GALNTL6: variants seen among roughly 807,000 people sequenced by gnomAD.
The protein encoded by GALNTL6 is polypeptide N-acetylgalactosaminyltransferase like 6, also known as polypeptide N-acetylgalactosaminyltransferase-like 6.
In GALNTL6, 46 loss-of-function variants were observed where a neutral mutation model predicts 73.7. The observed-to-expected ratio is 0.62, with a 90% CI of 0.49 to 0.80. The LOEUF is 0.80. GALNTL6 is among the 30% of genes least tolerant of loss of function. The probability of loss-of-function intolerance (pLI) is 0.00; values close to 1 mark genes in which losing one functional copy is unlikely to be tolerated. For missense variants in GALNTL6, 604 were observed against 755.0 expected, an observed-to-expected ratio of 0.80 and a Z score of 2.34; for synonymous variants, 259 against 263.7, an observed-to-expected ratio of 0.98 and a Z score of 0.17.
At chr4:172,858,644 A>G (rs1744234595) in intron 7 of GALNTL6, among the ~76,000 whole-genome samples, 1 of 152,194 alleles carries the variant, frequency 6.6e-6, no homozygotes. Context: ...AGCCTGACCA[A>G]CGTGAAACCT....
intron 5 of GALNTL6, among the ~76,000 whole-genome samples, chr4:172,623,359 G>A (rs571311393): frequency 4.2e-4 from 64 of 152,068 alleles, no homozygotes; most frequent in African/African-American, 1.5e-3. Flanking sequence ...GTGATCATAT[G>A]TATATAATTT....
At chr4:172,288,096 T>A (rs541054866) in intron 3 of GALNTL6, among the ~76,000 whole-genome samples, 5 of 105,496 alleles carry the variant, frequency 4.7e-5, no homozygotes, top group Non-Finnish European at 1.1e-4. Context: ...TAGAATTGAT[T>A]TTTTTTTTTT....
intron 5 of GALNTL6, among the ~76,000 whole-genome samples, chr4:172,415,392 G>A (rs1730785274): frequency 6.6e-6 from 1 of 152,170 alleles, no homozygotes. Context: ...ACAGCCATGT[G>A]AGGGATTCTA....
intron 2 of GALNTL6, among the ~76,000 whole-genome samples, chr4:171,965,641 G>A (rs1739362454): frequency 1.8e-5 from 2 of 112,164 alleles, no homozygotes; most frequent in Non-Finnish European, 1.7e-5. Context: ...GGGCGACAGA[G>A]CGAGACTCCG....
At chr4:172,587,110 A>G (rs940666570) in intron 5 of GALNTL6, among the ~76,000 whole-genome samples, 1 of 148,848 alleles carries the variant, frequency 6.7e-6, no homozygotes, top group Admixed American at 6.9e-5. Context: ...CACATGTGAA[A>G]ATATTGGGGT....
intron 10 of GALNTL6, among the ~76,000 whole-genome samples, chr4:172,953,989 G>C (rs990553487): frequency 6.6e-6 from 1 of 152,052 alleles, no homozygotes; most frequent in Non-Finnish European, 1.5e-5. Flanking sequence ...TTGTTTGTTT[G>C]TTTTTTATGT....
chr4:171,959,126 G>C (rs959467357), intron 2 of GALNTL6, among the ~76,000 whole-genome samples: 1 of 152,124 alleles, frequency 6.6e-6, no homozygotes, highest in Admixed American at 6.6e-5. Flanking sequence ...GAACTTTATA[G>C]TTGACGGCTT....
intron 10 of GALNTL6, among the ~76,000 whole-genome samples, chr4:172,954,723 C>T (rs1749628003): frequency 6.6e-6 from 1 of 152,196 alleles, no homozygotes; most frequent in South Asian, 2.1e-4. Context: ...TCACCTCAGC[C>T]TCCCCAAGTG....
At chr4:172,633,911 G>C (rs562546111) in intron 5 of GALNTL6, among the ~76,000 whole-genome samples, 1 of 152,222 alleles carries the variant, frequency 6.6e-6, no homozygotes, top group Non-Finnish European at 1.5e-5. Context: ...TGCCATATAA[G>C]ATGTAACTTT....
At chr4:172,433,490 C>A (rs1484081732) in intron 5 of GALNTL6, among the ~76,000 whole-genome samples, 1 of 115,826 alleles carries the variant, frequency 8.6e-6, no homozygotes, top group Non-Finnish European at 1.8e-5. Context: ...CTCAAAGGAC[C>A]AGAGATTTGC....
intron 5 of GALNTL6, among the ~76,000 whole-genome samples, chr4:172,459,995 T>C (rs374512278): frequency 2.8e-4 from 43 of 152,288 alleles, no homozygotes; most frequent in South Asian, 2.3e-3. Flanking sequence ...AAAAACAGCA[T>C]GGCACTGGTA....
intron 5 of GALNTL6, among the ~76,000 whole-genome samples, chr4:172,527,790 G>A (rs1038046372): frequency 1.3e-5 from 2 of 152,038 alleles, no homozygotes; most frequent in African/African-American, 2.4e-5. Context: ...GTTTGAATGA[G>A]TTTCAGGCTT....
In GALNTL6 at chr4:171,925,693, A is replaced by C. The variant is rs557275072; in HGVS notation, c.138+110975A>C. On this transcript the variant is annotated intron_variant, in intron 2 of 12. Transcript: ENST00000506823. Reference sequence around the variant, plus strand: ...GAAAATCCCTTTTCTAGCAATCTTTAATTTGAAGCTTCAGTTGTCAACACA... The same window carrying C: ...GAAAATCCCTTTTCTAGCAATCTTTCATTTGAAGCTTCAGTTGTCAACACA... Among the ~76,000 whole-genome samples the C allele has an allele frequency of 2.4e-4, 36 of 152,274 alleles. 2 individuals are homozygous for C. The South Asian group carries it at 7.3e-3, about 31-fold the overall frequency.
At chr4:172,508,483 G>A (rs1341148753) in intron 5 of GALNTL6, among the ~76,000 whole-genome samples, 1 of 53,708 alleles carries the variant, frequency 1.9e-5, no homozygotes, top group Non-Finnish European at 4.3e-5. Context: ...TTCTTTAGTG[G>A]TGATTTCTGA....
intron 3 of GALNTL6, among the ~76,000 whole-genome samples, chr4:172,239,084 C>T (rs10440568): frequency 0.014 from 2,187 of 151,904 alleles, 57 homozygotes; most frequent in African/African-American, 0.05. Context: ...GTCTCTCTGT[C>T]GGTTTGGTAT....
chr4:172,008,126 A>G (rs1420873060), intron 2 of GALNTL6, among the ~76,000 whole-genome samples: 1 of 152,182 alleles, frequency 6.6e-6, no homozygotes, highest in Non-Finnish European at 1.5e-5. Flanking sequence ...TGTTTGCATT[A>G]TACTCTAGAT....
chr4:172,803,212 A>T (rs1256203197), intron 5 of GALNTL6, among the ~76,000 whole-genome samples: 1 of 152,178 alleles, frequency 6.6e-6, no homozygotes, highest in African/African-American at 2.4e-5. Flanking sequence ...TAGGCAGCGG[A>T]CCAGTACCCA....
chr4:172,460,654 A>C (rs1401724730), intron 5 of GALNTL6, among the ~76,000 whole-genome samples: 1 of 152,260 alleles, frequency 6.6e-6, no homozygotes, highest in Non-Finnish European at 1.5e-5. Flanking sequence ...ATGCAAATCA[A>C]AACCACAGTG....
intron 2 of GALNTL6, among the ~76,000 whole-genome samples, chr4:172,143,816 G>C (rs1274297843): frequency 6.6e-6 from 1 of 152,094 alleles, no homozygotes; most frequent in Admixed American, 6.6e-5. Flanking sequence ...ATATCTTCAA[G>C]TGGAGCATCA....
Sources: allele counts gnomAD v4.1 joint callset (sites outside exome capture counted in the v4.1 genomes callset), GRCh38; gene constraint gnomAD v4.1.1; transcripts MANE v1.5; gene names NCBI Gene and HGNC (gene_info 2026-07-23, HGNC 2026-07-21).